The following OPCML variants were observed in gnomAD, a reference collection of about 807,000 sequenced individuals.
The protein encoded by OPCML is opioid-binding protein/cell adhesion molecule.
In OPCML, 13 loss-of-function variants were observed where a neutral mutation model predicts 37.8. The observed-to-expected ratio is 0.34, with a 90% CI of 0.22 to 0.55. The LOEUF is 0.55. OPCML is among the 20% of genes least tolerant of loss of function. The pLI, the probability that OPCML is intolerant of heterozygous loss-of-function variation, is 0.91. For missense variants in OPCML, 341 were observed against 435.6 expected (o/e 0.78, Z 1.93); for synonymous variants, 176 against 168.8 (o/e 1.04, Z -0.33).
chr11:133,457,060 C>G (rs1272571795), intron 1 of OPCML, among the ~76,000 whole-genome samples: 1 of 152,140 alleles, frequency 6.6e-6, no homozygotes, highest in African/African-American at 2.4e-5. Context: ...CCCCAAGACA[C>G]ATTATTATCA....
intron 2 of OPCML, among the ~76,000 whole-genome samples, chr11:132,796,218 G>T (rs1346450847): frequency 2.0e-5 from 3 of 152,046 alleles, no homozygotes; most frequent in Admixed American, 1.3e-4. Flanking sequence ...AGAGACAAAT[G>T]CACTTCATTT....
intron 1 of OPCML, among the ~76,000 whole-genome samples, chr11:133,095,864 G>A (rs1325947758): frequency 1.3e-5 from 2 of 151,682 alleles, no homozygotes; most frequent in Non-Finnish European, 2.9e-5. Context: ...TGTACCCTAA[G>A]AAATTATCCT....
chr11:132,633,732 G>C (rs945951626), intron 3 of OPCML, among the ~76,000 whole-genome samples: 7 of 152,306 alleles, frequency 4.6e-5, no homozygotes, highest in African/African-American at 1.7e-4. Context: ...TGGGTGTGGG[G>C]TGGGGACAGC....
At chr11:133,048,427 C>G (rs1425256516) in intron 1 of OPCML, among the ~76,000 whole-genome samples, 1 of 152,040 alleles carries the variant, frequency 6.6e-6, no homozygotes, top group African/African-American at 2.4e-5. Flanking sequence ...ACGCCTAAAA[C>G]CCCGTATGAG....
chr11:133,116,756 T>C (rs572330625), intron 1 of OPCML, among the ~76,000 whole-genome samples: 1 of 151,098 alleles, frequency 6.6e-6, no homozygotes, highest in Non-Finnish European at 1.5e-5. Context: ...CTATTCATTT[T>C]TTCTTTGTAA....
chr11:133,156,244 C>G (rs1382382174), intron 1 of OPCML, among the ~76,000 whole-genome samples: 1 of 152,158 alleles, frequency 6.6e-6, no homozygotes, highest in Non-Finnish European at 1.5e-5. Context: ...ATGACTGCCC[C>G]CTGCTTACTC....
Position 132,505,647 on chromosome 11 carries a change from C to T in OPCML, c.505+23414G>A, listed in dbSNP as rs116013153. ...AAAACAGCAACAAAATTTAAATCTC[C>T]ATCAGAAGTAAAACATATCAGATGT... On this transcript the variant is annotated intron_variant, in intron 4 of 7. Coordinates refer to ENST00000524381, the MANE Select transcript of OPCML (RefSeq NM_001012393.5). Among the ~76,000 whole-genome samples, 609 of 152,198 alleles carry T rather than the reference C, an allele frequency of 4.0e-3. 8 individuals carry two copies. The highest frequency in any genetic ancestry group is 0.014 in the African/African-American group (585 of 41,524).
At chr11:133,221,974 A>C (rs1939852992) in intron 1 of OPCML, among the ~76,000 whole-genome samples, 1 of 152,146 alleles carries the variant, frequency 6.6e-6, no homozygotes, top group African/African-American at 2.4e-5. Context: ...GACAAAGCTG[A>C]AGGAAGCTTT....
chr11:132,941,473 T>C (rs745580533), intron 2 of OPCML, among the ~76,000 whole-genome samples: 19 of 152,194 alleles, frequency 1.2e-4, no homozygotes, highest in African/African-American at 1.9e-4. Flanking sequence ...GGTTAACATG[T>C]ATTATAACCC....
At chr11:133,052,570 A>G (rs1356701715) in intron 1 of OPCML, among the ~76,000 whole-genome samples, 1 of 152,150 alleles carries the variant, frequency 6.6e-6, no homozygotes, top group East Asian at 1.9e-4. Context: ...TGTCCATGGC[A>G]CCTGGATGTT....
chr11:133,293,043 T>A (rs931167674), intron 1 of OPCML, among the ~76,000 whole-genome samples: 1 of 152,140 alleles, frequency 6.6e-6, no homozygotes. Flanking sequence ...AGTCTGAGAA[T>A]GGAGATATGC....
At chr11:133,259,381 G>T (rs1941420581) in intron 1 of OPCML, among the ~76,000 whole-genome samples, 1 of 152,164 alleles carries the variant, frequency 6.6e-6, no homozygotes, top group Non-Finnish European at 1.5e-5. Context: ...AGTATTTGCT[G>T]AAGGCCACAG....
At chr11:132,662,192 T>C (rs1409394553) in intron 2 of OPCML, among the ~76,000 whole-genome samples, 3 of 152,156 alleles carry the variant, frequency 2.0e-5, no homozygotes, top group Non-Finnish European at 4.4e-5. Context: ...AAAGAGCTTT[T>C]GGTTCATGGG....
chr11:132,785,963 TC>T (rs1394658282), intron 2 of OPCML, among the ~76,000 whole-genome samples: 1 of 152,220 alleles, frequency 6.6e-6, no homozygotes, highest in Non-Finnish European at 1.5e-5. Context: ...GATTTCCATG[TC>T]TGATAGAGCT....
intron 1 of OPCML, among the ~76,000 whole-genome samples, chr11:133,385,848 G>A (rs1383918891): frequency 1.3e-5 from 2 of 152,190 alleles, no homozygotes; most frequent in Non-Finnish European, 2.9e-5. Flanking sequence ...GGATGGAGAA[G>A]AAGCTGGAGT....
At chr11:132,924,492 G>C (rs1327253230) in intron 2 of OPCML, among the ~76,000 whole-genome samples, 1 of 152,106 alleles carries the variant, frequency 6.6e-6, no homozygotes, top group African/African-American at 2.4e-5. Flanking sequence ...AGACAAATCT[G>C]ATCAATTTTT....
intron 1 of OPCML, among the ~76,000 whole-genome samples, chr11:133,363,427 C>T (rs570434954): frequency 6.6e-6 from 1 of 152,176 alleles, no homozygotes; most frequent in Non-Finnish European, 1.5e-5. Flanking sequence ...AGGATAAATT[C>T]TCCTTATGTG....
chr11:133,229,406 A>C (rs1314096265), intron 1 of OPCML, among the ~76,000 whole-genome samples: 1 of 152,204 alleles, frequency 6.6e-6, no homozygotes, highest in East Asian at 1.9e-4. Flanking sequence ...AATGGCTCAA[A>C]ACCTGTCAGT....
chr11:133,217,529 C>A (rs1939634407), intron 1 of OPCML, among the ~76,000 whole-genome samples: 1 of 152,150 alleles, frequency 6.6e-6, no homozygotes, highest in Non-Finnish European at 1.5e-5. Context: ...GAATGAATCT[C>A]CTTTGGGTCA....
Sources: allele counts gnomAD v4.1 joint callset (sites outside exome capture counted in the v4.1 genomes callset), GRCh38; gene constraint gnomAD v4.1.1; transcripts MANE v1.5; gene names NCBI Gene and HGNC (gene_info 2026-07-23, HGNC 2026-07-21).